Variants in NOL4 observed in about 807,000 individuals in gnomAD.
NOL4 encodes nucleolar protein 4.
In NOL4, 17 loss-of-function variants were observed where a neutral mutation model predicts 75.9. The observed-to-expected ratio is 0.22, with a 90% CI of 0.15 to 0.34. The LOEUF (loss-of-function observed/expected upper bound fraction) is 0.34, where lower values mean the gene tolerates loss of function less well. Ranked by LOEUF, NOL4 falls within the 10% of genes least tolerant of loss-of-function variation. The pLI, the probability that NOL4 is intolerant of heterozygous loss-of-function variation, is 1.00. For synonymous variants in NOL4, 292 were observed against 289.9 expected (o/e 1.01, Z -0.07); for missense variants, 614 against 793.5 (o/e 0.77, Z 2.72).
chr18:34,154,921 ATTAGTTAT>A (rs2030079742), intron 1 of NOL4, among the ~76,000 whole-genome samples: 1 of 151,902 alleles, frequency 6.6e-6, no homozygotes, highest in South Asian at 2.1e-4. Context: ...TCTTACATTT[ATTAGTTAT>A]TTAGACGCCC....
chr18:34,155,889 T>C (rs774441650), intron 1 of NOL4, among the ~76,000 whole-genome samples: 3 of 152,180 alleles, frequency 2.0e-5, no homozygotes, highest in Non-Finnish European at 4.4e-5. Flanking sequence ...ATCCATTTTC[T>C]TTCTAATCAC....
chr18:34,163,526 A>G (rs1439468338), intron 1 of NOL4, among the ~76,000 whole-genome samples: 1 of 152,158 alleles, frequency 6.6e-6, no homozygotes, highest in Non-Finnish European at 1.5e-5. Context: ...TAGGAATCCA[A>G]CTTACAAGGG....
chr18:34,013,827 G>A (rs78100275), intron 6 of NOL4, among the ~76,000 whole-genome samples: 21 of 151,618 alleles, frequency 1.4e-4, no homozygotes, highest in East Asian at 7.8e-4. Context: ...AACTTTGTCC[G>A]TCTAGCACTC....
intron 1 of NOL4, among the ~76,000 whole-genome samples, chr18:34,149,400 T>A (rs944362643): frequency 1.3e-5 from 2 of 151,444 alleles, no homozygotes; most frequent in East Asian, 3.9e-4. Context: ...TTTGGGAAAA[T>A]TCTGGGACTA....
At chr18:34,222,344 G>T (rs76019081) in intron 1 of NOL4, 17 of 1,259,266 alleles carry the variant, frequency 1.3e-5, no homozygotes, top group African/African-American at 4.7e-5. Context: ...GGAAGGGAAT[G>T]GGGGGGCGGG....
intron 6 of NOL4, among the ~76,000 whole-genome samples, chr18:33,967,275 T>G (rs1346569613): frequency 6.6e-6 from 1 of 152,172 alleles, no homozygotes; most frequent in African/African-American, 2.4e-5. Context: ...GCTACCCATA[T>G]GCAGGAGAAT....
chr18:33,920,648 TC>T (rs2066983476), intron 9 of NOL4, among the ~76,000 whole-genome samples: 1 of 152,144 alleles, frequency 6.6e-6, no homozygotes. Context: ...GATTTATGGG[TC>T]CAATCAACCA....
chr18:33,936,178 G>T (rs1015510920), intron 9 of NOL4, among the ~76,000 whole-genome samples: 1 of 151,928 alleles, frequency 6.6e-6, no homozygotes, highest in African/African-American at 2.4e-5. Flanking sequence ...TATTAAAATT[G>T]CCCCCACGCT....
chr18:34,077,394 C>T (rs2077793944), intron 5 of NOL4, among the ~76,000 whole-genome samples: 1 of 152,016 alleles, frequency 6.6e-6, no homozygotes, highest in Non-Finnish European at 1.5e-5. Flanking sequence ...TTCTCTTTTA[C>T]TAATGCTTTC....
At chr18:34,157,488 A>C (rs2030636557) in intron 1 of NOL4, among the ~76,000 whole-genome samples, 1 of 152,274 alleles carries the variant, frequency 6.6e-6, no homozygotes, top group Admixed American at 6.5e-5. Context: ...TTGTCCATGA[A>C]GTAGCTCAGA....
intron 1 of NOL4, among the ~76,000 whole-genome samples, chr18:34,147,172 G>A (rs879382475): frequency 3.3e-5 from 5 of 151,858 alleles, no homozygotes; most frequent in South Asian, 2.1e-4. Context: ...AAACATAGAC[G>A]ATTTGACTTT....
chr18:34,117,764 G>A (rs1197011356), intron 2 of NOL4, among the ~76,000 whole-genome samples: 1 of 152,138 alleles, frequency 6.6e-6, no homozygotes, highest in African/African-American at 2.4e-5. Flanking sequence ...GTAAATAACT[G>A]CCTCTTCCTA....
At chr18:34,204,109 CAA>C (rs2035952936) in intron 1 of NOL4, among the ~76,000 whole-genome samples, 1 of 152,032 alleles carries the variant, frequency 6.6e-6, no homozygotes, top group South Asian at 2.1e-4. Context: ...TGGTGCTCAA[CAA>C]ACTTTAGTAT....
chr18:33,887,693 G>A (rs2064841016), intron 9 of NOL4, among the ~76,000 whole-genome samples: 2 of 152,010 alleles, frequency 1.3e-5, no homozygotes, highest in South Asian at 2.1e-4. Context: ...CCTTGTGATA[G>A]TTTGCTGAGA....
rs79163433 is a variant in NOL4 at position 33,892,495 on chromosome 18, T to C, written c.1543-9071A>G. Among the ~76,000 whole-genome samples, 843 of 152,118 alleles carry C rather than the reference T, an allele frequency of 5.5e-3. 13 individuals carry two copies. The highest frequency in any genetic ancestry group is 0.019 in the African/African-American group (793 of 41,526). Reference sequence around the variant, plus strand: ...AATCATCATTATGAGTTCCCAAAGTTCTCACAGCTGACAGCTTGCCTCCTG... The same window carrying C: ...AATCATCATTATGAGTTCCCAAAGTCCTCACAGCTGACAGCTTGCCTCCTG... On this transcript the variant is annotated intron_variant, in intron 9 of 10. Transcript: ENST00000261592.
At chr18:34,108,634 C>T (rs2079432811) in intron 2 of NOL4, among the ~76,000 whole-genome samples, 4 of 152,048 alleles carry the variant, frequency 2.6e-5, no homozygotes, top group Admixed American at 6.6e-5. Context: ...GTCAATTCAT[C>T]AAGAAGATAT....
intron 8 of NOL4, among the ~76,000 whole-genome samples, chr18:33,952,266 T>C (rs1207656951): frequency 2.0e-5 from 3 of 152,174 alleles, no homozygotes; most frequent in Admixed American, 2.0e-4. Context: ...CTATATTCTT[T>C]ACAACTTAGT....
intron 5 of NOL4, among the ~76,000 whole-genome samples, chr18:34,083,582 G>C (rs1443805139): frequency 6.6e-6 from 1 of 152,224 alleles, no homozygotes; most frequent in African/African-American, 2.4e-5. Context: ...AAAGTTTAGA[G>C]AGAGATTATC....
rs563989740 is a variant in NOL4, at chr18:33,924,588, C to A, written c.1542+18477G>T. Among the ~76,000 whole-genome samples the A allele has an allele frequency of 3.9e-5, 6 of 152,260 alleles. No individual in the cohort carries two copies. The East Asian group carries it at 1.2e-3, about 29-fold the overall frequency. On this transcript the variant is annotated intron_variant, in intron 9 of 10. Transcript: ENST00000261592. ...CATATGGATATTTATTACGTACCTA[C>A]CCTCATCCCAGTATGTAAATACACA... is the stretch of plus-strand genomic sequence containing the variant.
Sources: allele counts gnomAD v4.1 joint callset (sites outside exome capture counted in the v4.1 genomes callset), GRCh38; gene constraint gnomAD v4.1.1; transcripts MANE v1.5; gene names NCBI Gene and HGNC (gene_info 2026-07-23, HGNC 2026-07-21).